Variants in HIPK3 observed in about 807,000 individuals in gnomAD.
HIPK3 encodes the protein homeodomain-interacting protein kinase 3.
In HIPK3, 47 loss-of-function variants were observed where a neutral mutation model predicts 124.2. The observed-to-expected ratio is 0.38, with a 90% CI of 0.30 to 0.48. The LOEUF is 0.48. HIPK3 is among the 20% of genes least tolerant of loss of function. HIPK3 has a pLI of 0.98. For missense variants in HIPK3, 1,286 were observed against 1,454.3 expected (o/e 0.88, Z 1.88); for synonymous variants, 482 against 515.2 (o/e 0.94, Z 0.87).
chr11:33,348,498 T>C lies in HIPK3; in HGVS notation c.2370-24T>C, dbSNP rs200615992. The C allele has an allele frequency of 3.4e-5, 52 of 1,547,032 alleles. 1 individual carries two copies. In the East Asian group the frequency reaches 8.7e-4, roughly 26 times the overall value. On this transcript the variant is annotated intron_variant, in intron 12 of 16. Coordinates refer to ENST00000303296, the MANE Select transcript of HIPK3 (RefSeq NM_005734.5). ...TTATACATATTTTGATTATAGAAATTATAAATTATTCCTTTGGTTGCAGGA... is the reference window on the plus strand; with the variant it reads ...TTATACATATTTTGATTATAGAAATCATAAATTATTCCTTTGGTTGCAGGA...
At position 33,352,318 on chromosome 11, in the gene HIPK3, G is replaced by A. The variant is rs749769286; in HGVS notation, c.3171+53G>A. 4.4e-6 allele frequency: 7 copies of A among 1,582,136 alleles called. No individual in the cohort carries two copies. The South Asian group carries it at 7.8e-5, about 18-fold the overall frequency. ...TCTGTGGGATTCAAATTTAGCAGTTGTTTTTCACGTGGAGGAGAAAGCTTC... is the reference window on the plus strand; with the variant it reads ...TCTGTGGGATTCAAATTTAGCAGTTATTTTTCACGTGGAGGAGAAAGCTTC... On this transcript the variant is annotated intron_variant, in intron 16 of 16. Coordinates refer to ENST00000303296, the MANE Select transcript of HIPK3 (RefSeq NM_005734.5).
At chr11:33,311,384 C>A (rs1852331439) in intron 2 of HIPK3, among the ~76,000 whole-genome samples, 2 of 152,190 alleles carry the variant, frequency 1.3e-5, no homozygotes, top group Non-Finnish European at 2.9e-5. Flanking sequence ...CGAAGTCTTG[C>A]AGCCCAGACT....
intron 2 of HIPK3, among the ~76,000 whole-genome samples, chr11:33,307,405 T>TTC (rs1287547782): frequency 2.7e-5 from 4 of 150,492 alleles, no homozygotes; most frequent in African/African-American, 9.8e-5. Context: ...GAAGTGTTTT[T>TTC]TTTTTTTTTT....
At chr11:33,270,914 G>T (rs1851107789) in intron 1 of HIPK3, among the ~76,000 whole-genome samples, 4 of 152,078 alleles carry the variant, frequency 2.6e-5, no homozygotes, top group Admixed American at 6.6e-5. Flanking sequence ...AAGGAATTAG[G>T]TTCTTTTCCC....
intron 2 of HIPK3, among the ~76,000 whole-genome samples, chr11:33,321,974 T>C (rs546277170): frequency 6.6e-6 from 1 of 152,250 alleles, no homozygotes; most frequent in South Asian, 2.1e-4. Context: ...CCAGAGCTTT[T>C]CTTCATACAT....
intron 2 of HIPK3, among the ~76,000 whole-genome samples, chr11:33,292,082 C>G (rs1405842610): frequency 6.6e-6 from 1 of 152,126 alleles, no homozygotes; most frequent in Non-Finnish European, 1.5e-5. Context: ...ACATAGGGTA[C>G]TTTATGATGA....
At chr11:33,326,873 G>A in intron 2 of HIPK3, among the ~76,000 whole-genome samples, 1 of 152,032 alleles carries the variant, frequency 6.6e-6, no homozygotes, top group Non-Finnish European at 1.5e-5. Context: ...GAGAGATGAG[G>A]TCTCATTATG....
Position 33,347,633 on chromosome 11 carries a change from G to C in HIPK3, c.2024G>C (p.Trp675Ser). Residue 675 changes from tryptophan to serine, a missense_variant, in exon 10 of 17, where the codon TGG (tryptophan) becomes TCG (serine). This residue lies in a region of HIPK3 where 810 missense variants were observed against 864.9 expected (regional missense o/e 0.94). Coordinates refer to ENST00000303296, the MANE Select transcript of HIPK3 (RefSeq NM_005734.5). ...GTTTTGCTTTGCTGCAAGCAGACGT[G>C]GTCTGGTAGAACACAGCAGATGCTG... ...QIRPGVLSQT[W>S]SGRTQQMLVP... The C allele has an allele frequency of 1.2e-6, 2 of 1,613,454 alleles. No homozygotes were observed. The highest frequency in any genetic ancestry group is 1.7e-6 in the Non-Finnish European group (2 of 1,179,620).
intron 1 of HIPK3, chr11:33,258,300 C>T (rs1246882868): frequency 1.0e-6 from 1 of 985,292 alleles, no homozygotes. Flanking sequence ...CCTCCGCAGT[C>T]CTAGGCCGTA....
intron 1 of HIPK3, among the ~76,000 whole-genome samples, chr11:33,273,512 CAAA>C (rs398015727): frequency 0.011 from 547 of 47,804 alleles, no homozygotes; most frequent in Non-Finnish European, 0.016. Context: ...TCTGTCTCCA[CAAA>C]AAAAAAAAAA....
At chr11:33,317,456 G>A (rs763828134) in intron 2 of HIPK3, among the ~76,000 whole-genome samples, 34 of 151,654 alleles carry the variant, frequency 2.2e-4, no homozygotes, top group East Asian at 1.9e-4. Flanking sequence ...TTGTAGAGAC[G>A]GAGTCTCCAT....
chr11:33,257,714 CCT>C lies in HIPK3; in HGVS notation c.-174_-173del, dbSNP rs1565047785. 1.0e-6 allele frequency: 1 copy of C among 990,096 alleles called. No homozygotes were observed. The highest frequency in any genetic ancestry group is 1.7e-5 in the African/African-American group (1 of 57,310). The allele number at this position is 990,096 out of a possible 1,614,324, so 61.3% of individuals were successfully genotyped here. On this transcript the variant is annotated 5_prime_UTR_variant, in exon 1 of 17. The change creates a premature stop within an existing upstream ORF in the 5' untranslated region. Coordinates refer to ENST00000303296, the MANE Select transcript of HIPK3 (RefSeq NM_005734.5). ...GTCGGGGGAGGGTGTTTCGCCGTTT[CCT>C]CTCAGCCGCCAGGACAAGATGGCAG...
Position 33,328,521 on chromosome 11 carries a change from T to A in HIPK3, c.1109T>A (p.Ile370Asn). The change falls in exon 3 of 17, where the codon ATT becomes AAT. Residue 370 changes from isoleucine (I) to asparagine (N), a missense_variant. By Grantham distance (149) the Ile-to-Asn change is moderately radical. Transcript: ENST00000303296. ...LQSRYYRAPE[I>N]ILGLPFCEAI... Reference sequence around the variant, plus strand: ...ATTTTAAATTTCAGAGCTCCAGAGATTATATTGGGGTTGCCATTTTGTGAA... The same window carrying A: ...ATTTTAAATTTCAGAGCTCCAGAGAATATATTGGGGTTGCCATTTTGTGAA... 6.2e-7 allele frequency: 1 copy of A among 1,612,968 alleles called. No individual in the cohort carries two copies. Among genetic ancestry groups the A allele is most frequent in the African/African-American group, 1.3e-5 (1 of 75,006 alleles).
chr11:33,263,070 T>A (rs1395811483), intron 1 of HIPK3, among the ~76,000 whole-genome samples: 1 of 152,180 alleles, frequency 6.6e-6, no homozygotes, highest in African/African-American at 2.4e-5. Context: ...GGGTTGTGCT[T>A]TGTTGCTCTG....
intron 2 of HIPK3, among the ~76,000 whole-genome samples, chr11:33,326,514 A>G (rs1213544624): frequency 6.6e-6 from 1 of 152,210 alleles, no homozygotes; most frequent in African/African-American, 2.4e-5. Flanking sequence ...AAAAGATACC[A>G]GAGATCCTCA....
At chr11:33,288,485 T>C (rs932338468) in intron 2 of HIPK3, among the ~76,000 whole-genome samples, 1 of 152,050 alleles carries the variant, frequency 6.6e-6, no homozygotes, top group Non-Finnish European at 1.5e-5. Context: ...CAAATATACT[T>C]CTTTGGCTCC....
rs912498181 is a variant in HIPK3, at chr11:33,354,837, C to G, written c.*1269C>G. 3 of 151,878 alleles carry G rather than the reference C, an allele frequency of 2.0e-5. No homozygotes were observed. Among genetic ancestry groups the G allele is most frequent in the East Asian group, 1.9e-4 (1 of 5,198 alleles). The allele number at this position is 151,878 out of a possible 1,614,324, so 9.4% of individuals were successfully genotyped here. ...TCTAGGAAGTGTGTTGAGTTCCCCC[C>G]TTCCCCGACATTTTTTTCTTTTTTG... On this transcript the variant is annotated 3_prime_UTR_variant, in exon 17 of 17. Transcript: ENST00000303296.
chr11:33,307,119 A>T (rs141925196), intron 2 of HIPK3, among the ~76,000 whole-genome samples: 1 of 150,540 alleles, frequency 6.6e-6, no homozygotes, highest in Non-Finnish European at 1.5e-5. Flanking sequence ...TTGTATTTTC[A>T]GTAGAAATGG....
At chr11:33,276,547 A>G (rs1294573134) in intron 1 of HIPK3, among the ~76,000 whole-genome samples, 2 of 152,174 alleles carry the variant, frequency 1.3e-5, no homozygotes, top group Non-Finnish European at 2.9e-5. Flanking sequence ...TACGTGGCAA[A>G]TATTTTAGGC....
Sources: allele counts gnomAD v4.1 joint callset (sites outside exome capture counted in the v4.1 genomes callset), GRCh38; gene constraint gnomAD v4.1.1; regional missense constraint gnomAD v4.1.1; transcripts MANE v1.5; gene names NCBI Gene and HGNC (gene_info 2026-07-23, HGNC 2026-07-21).